Variants in MLPH observed in about 807,000 individuals in gnomAD.
MLPH encodes melanophilin.
A neutral mutation model predicts 72.1 loss-of-function variants in MLPH; 51 were observed. The ratio of observed to expected loss-of-function variants is 0.71; its 90% CI spans 0.56 to 0.89. The LOEUF (loss-of-function observed/expected upper bound fraction) is 0.89, where lower values mean the gene tolerates loss of function less well. MLPH is among the 40% of genes least tolerant of loss of function. The probability of loss-of-function intolerance (pLI) is 0.00; values close to 1 mark genes in which losing one functional copy is unlikely to be tolerated. For synonymous variants in MLPH, 301 were observed against 310.1 expected (o/e 0.97, Z 0.31); for missense variants, 743 against 759.9 (o/e 0.98, Z 0.26).
rs116776922 is a variant in MLPH at position 237,536,246 on chromosome 2, C to A, written c.1104+1599C>A. 4.9e-3 allele frequency among the ~76,000 whole-genome samples: 747 copies of A among 151,992 alleles called. 5 individuals carry two copies. Among genetic ancestry groups the A allele is most frequent in the African/African-American group, 0.017 (717 of 41,516 alleles). On this transcript the variant is annotated intron_variant, in intron 9 of 15. Transcript: ENST00000264605. ...GCACAGGCTCTGACCCCGGCCGGAG[C>A]GGAGAGAGACTGAGGCCCAGCCCAC...
intron 2 of MLPH, among the ~76,000 whole-genome samples, chr2:237,503,854 C>T (rs2079705429): frequency 6.6e-6 from 1 of 152,168 alleles, no homozygotes; most frequent in Admixed American, 6.5e-5. Flanking sequence ...ACTTCCCAAC[C>T]CCAAGAACCT....
intron 1 of MLPH, among the ~76,000 whole-genome samples, chr2:237,491,387 C>T (rs1316720693): frequency 2.0e-4 from 30 of 152,204 alleles, no homozygotes; most frequent in Admixed American, 2.0e-3. Flanking sequence ...ATCCATTCCC[C>T]AAAGCGTCAG....
chr2:237,553,867 T>C lies in MLPH; in HGVS notation c.*275T>C. ...CTGCTGTGACTTCCCTTTAGGACAATGTTGTGTAAATCTTTGAAGGACACA... is the reference window on the plus strand; with the variant it reads ...CTGCTGTGACTTCCCTTTAGGACAACGTTGTGTAAATCTTTGAAGGACACA... On this transcript the variant is annotated 3_prime_UTR_variant, in exon 16 of 16. Transcript: ENST00000264605. 1 of 635,162 alleles carries C rather than the reference T, an allele frequency of 1.6e-6. No individual in the cohort carries two copies. Among genetic ancestry groups the C allele is most frequent in the Non-Finnish European group, 2.9e-6 (1 of 342,880 alleles). 39.3% of individuals were successfully genotyped at this position (635,162 alleles called of 1,614,324 possible).
chr2:237,518,135 G>A, intron 4 of MLPH: 1 of 350,446 alleles, frequency 2.9e-6, no homozygotes. Context: ...GGGATGGATG[G>A]ATGGATGGGT....
At chr2:237,545,538 C>T (rs977596891) in intron 12 of MLPH, 24 of 1,288,674 alleles carry the variant, frequency 1.9e-5, no homozygotes, top group African/African-American at 1.2e-4. Context: ...CAAAAGGAGC[C>T]GCCTGAATCA....
At chr2:237,515,003 C>T (rs1284720800) in intron 4 of MLPH, among the ~76,000 whole-genome samples, 1 of 152,218 alleles carries the variant, frequency 6.6e-6, no homozygotes, top group Non-Finnish European at 1.5e-5. Context: ...GTTATAAAGT[C>T]CGTCGTTCAG....
chr2:237,518,739 G>A (rs2080109116), intron 5 of MLPH, 91 bp downstream of exon 5: 1 of 958,186 alleles, frequency 1.0e-6, no homozygotes, highest in African/African-American at 1.6e-5. Flanking sequence ...AACCTTGATG[G>A]CCTCTCCACA....
chr2:237,505,649 G>A lies in MLPH; in HGVS notation c.111-4925G>A, dbSNP rs148752789. ...CCAAGAGGGGCAGAGCAGGGCACAG[G>A]TCTGACCCCTTCACCCTGCGTGGCT... On this transcript the variant is annotated intron_variant, in intron 2 of 15. Transcript: ENST00000264605. The surrounding 1 kb of genome is among the most constrained non-coding windows in gnomAD (Gnocchi z 4.5). Among the ~76,000 whole-genome samples, 1,130 of 152,324 alleles carry A rather than the reference G, an allele frequency of 7.4e-3. 37 individuals are homozygous for A. The highest frequency in any genetic ancestry group is 0.06 in the Admixed American group (920 of 15,306).
chr2:237,552,575 A>G, intron 15 of MLPH, 138 bp downstream of exon 15: 1 of 730,332 alleles, frequency 1.4e-6, no homozygotes, highest in Non-Finnish European at 2.3e-6. Flanking sequence ...CAAAGCAAAA[A>G]GTAAAGTAAA....
chr2:237,499,222 A>G (rs892330779), intron 2 of MLPH, among the ~76,000 whole-genome samples: 1 of 152,176 alleles, frequency 6.6e-6, no homozygotes, highest in Non-Finnish European at 1.5e-5. Context: ...ATAAAGAAAA[A>G]TATATACATA....
intron 13 of MLPH, 27 bp from the exon 14 acceptor site, chr2:237,549,194 A>G: frequency 6.2e-7 from 1 of 1,608,750 alleles, no homozygotes; most frequent in Non-Finnish European, 8.5e-7. Flanking sequence ...AACTTGATGA[A>G]GCCTGGAGAC....
chr2:237,529,151 T>C (rs2080367520), intron 8 of MLPH, among the ~76,000 whole-genome samples: 1 of 152,104 alleles, frequency 6.6e-6, no homozygotes, highest in Non-Finnish European at 1.5e-5. Flanking sequence ...CAAGCGATTC[T>C]CCTGCCTCCC....
Position 237,552,374 on chromosome 2 carries a change from C to T in MLPH, c.1713C>T (p.Tyr571=). 1.2e-6 allele frequency: 2 copies of T among 1,614,046 alleles called. No homozygotes were observed. The highest frequency in any genetic ancestry group is 8.5e-7 in the Non-Finnish European group (1 of 1,179,990). Residue 571 remains tyrosine, a synonymous_variant, in exon 15 of 16, where the codon TAC becomes TAT. Coordinates refer to ENST00000264605, the MANE Select transcript of MLPH (RefSeq NM_024101.7). ...ATTCTTTTGATCGGAAATCAGTGTA[C>T]CGAGGCTCGCTGACACAGAGAAACC... ...DDDSFDRKSV[Y]RGSLTQRNPN... is the part of the protein sequence containing the mutation.
intron 9 of MLPH, among the ~76,000 whole-genome samples, chr2:237,536,483 A>G (rs1463263290): frequency 3.3e-5 from 5 of 152,192 alleles, no homozygotes; most frequent in Non-Finnish European, 5.9e-5. Context: ...TCGGCCCATC[A>G]CTGACCGGAG....
chr2:237,516,641 G>A (rs138834866), intron 4 of MLPH, among the ~76,000 whole-genome samples: 1,868 of 152,362 alleles, frequency 0.012, 16 homozygotes, highest in Non-Finnish European at 0.017. Flanking sequence ...GATTGGTAAT[G>A]TTGATGCAGA....
intron 4 of MLPH, among the ~76,000 whole-genome samples, chr2:237,511,833 C>T (rs1208017521): frequency 6.6e-6 from 1 of 152,190 alleles, no homozygotes; most frequent in African/African-American, 2.4e-5. Flanking sequence ...TAAGATCCCC[C>T]ATAAGGCATT....
chr2:237,516,767 AGAGGGAGAGATGAATGG>A (rs1559350031), intron 4 of MLPH, among the ~76,000 whole-genome samples: 11 of 151,068 alleles, frequency 7.3e-5, no homozygotes, highest in Non-Finnish European at 1.5e-4. Context: ...GGATTGTGGG[AGAGGGAGAGATGAATGG>A]ATGGATGGAT....
intron 9 of MLPH, among the ~76,000 whole-genome samples, chr2:237,535,803 G>A (rs1329333204): frequency 6.6e-6 from 1 of 152,130 alleles, no homozygotes; most frequent in Non-Finnish European, 1.5e-5. Context: ...TCCATACAAG[G>A]CCTATAATTA....
chr2:237,514,810 C>G (rs1409549791), intron 4 of MLPH, among the ~76,000 whole-genome samples: 1 of 152,194 alleles, frequency 6.6e-6, no homozygotes, highest in Non-Finnish European at 1.5e-5. Flanking sequence ...GCTGCCTCCC[C>G]CATCTTTCCT....
Sources: allele counts gnomAD v4.1 joint callset (sites outside exome capture counted in the v4.1 genomes callset), GRCh38; gene constraint gnomAD v4.1.1; non-coding constraint Gnocchi (gnomAD v3.1); transcripts MANE v1.5; gene names NCBI Gene and HGNC (gene_info 2026-07-23, HGNC 2026-07-21).